DUSP13B: variants seen among roughly 807,000 people sequenced by gnomAD.
DUSP13B encodes dual specificity protein phosphatase 13B.
the DUSP13B span, chr10:75,104,063 T>C: frequency 2.9e-6 from 4 of 1,360,946 alleles, no homozygotes; most frequent in Non-Finnish European, 2.9e-6. Flanking sequence ...GGTGGCAAAG[T>C]GGCAGAGCCC....
the DUSP13B span, chr10:75,108,054 T>C: frequency 6.2e-7 from 1 of 1,613,778 alleles, no homozygotes; most frequent in African/African-American, 1.3e-5. Context: ...GGCACTGATG[T>C]CAAAATCAGG....
chr10:75,105,602 A>G, the DUSP13B span: 1 of 1,450,366 alleles, frequency 6.9e-7, no homozygotes, highest in Middle Eastern at 2.4e-4. Flanking sequence ...TCTGCAGCCT[A>G]GGCCCTCACC....
At chr10:75,098,301 C>T in the DUSP13B span, among the ~76,000 whole-genome samples, 2 of 152,196 alleles carry the variant, frequency 1.3e-5, no homozygotes, top group African/African-American at 4.8e-5. Flanking sequence ...CTAAGCAGCT[C>T]ATCTCAAGCC....
the DUSP13B span, among the ~76,000 whole-genome samples, chr10:75,096,576 CAAA>C: frequency 1.1e-4 from 9 of 80,808 alleles, no homozygotes; most frequent in Admixed American, 1.2e-4. Context: ...GACCCCGCCT[CAAA>C]AAAAAAAAAA....
the DUSP13B span, among the ~76,000 whole-genome samples, chr10:75,102,742 C>T: frequency 2.0e-5 from 3 of 152,254 alleles, no homozygotes; most frequent in Non-Finnish European, 2.9e-5. Flanking sequence ...CACCTGAGGT[C>T]GGGAGTTCGA....
chr10:75,099,040 T>A, the DUSP13B span: 1 of 1,232,400 alleles, frequency 8.1e-7, no homozygotes, highest in Non-Finnish European at 1.0e-6. Flanking sequence ...CCCCCACGAC[T>A]CAGGCCAGCA....
chr10:75,098,019 G>A, the DUSP13B span: 4 of 761,090 alleles, frequency 5.3e-6, no homozygotes, highest in Admixed American at 3.3e-5. Flanking sequence ...TTTCACATGA[G>A]GTATTAACAA....
At chr10:75,106,221 C>T in the DUSP13B span, among the ~76,000 whole-genome samples, 2 of 150,614 alleles carry the variant, frequency 1.3e-5, no homozygotes, top group African/African-American at 2.4e-5. Flanking sequence ...GGATTACAGG[C>T]GTGAGACACC....
chr10:75,096,169 C>A, the DUSP13B span, among the ~76,000 whole-genome samples: 1 of 152,026 alleles, frequency 6.6e-6, no homozygotes. Flanking sequence ...TCAGGAGAAT[C>A]ACTTAAACCC....
At chr10:75,106,531 C>CT in the DUSP13B span, among the ~76,000 whole-genome samples, 3 of 152,210 alleles carry the variant, frequency 2.0e-5, no homozygotes, top group Non-Finnish European at 4.4e-5. Context: ...AGCAGCTCAT[C>CT]TTTTTTGCAT....
At chr10:75,100,319 C>T in the DUSP13B span, among the ~76,000 whole-genome samples, 1 of 152,132 alleles carries the variant, frequency 6.6e-6, no homozygotes, top group African/African-American at 2.4e-5. Flanking sequence ...GGTCAGGCTC[C>T]ACCTAATGCC....
chr10:75,108,259 G>A, the DUSP13B span: 2 of 1,542,434 alleles, frequency 1.3e-6, no homozygotes, highest in Admixed American at 3.8e-5. Context: ...ATGGGACCAG[G>A]AGGGAGGCTG....
chr10:75,106,442 C>T, the DUSP13B span, among the ~76,000 whole-genome samples: 37 of 152,186 alleles, frequency 2.4e-4, no homozygotes, highest in Non-Finnish European at 4.4e-5. Context: ...ACTTCCACTA[C>T]TCATCCACCA....
At chr10:75,099,628 T>C in the DUSP13B span, 1 of 1,044,988 alleles carries the variant, frequency 9.6e-7, no homozygotes, top group Non-Finnish European at 1.2e-6. Flanking sequence ...GGCCCTCCGG[T>C]CCCTCTAAAC....
chr10:75,094,705 G>A, the DUSP13B span: 20 of 1,614,080 alleles, frequency 1.2e-5, no homozygotes, highest in East Asian at 4.5e-5. Context: ...CGCCCCAGTC[G>A]GTTGTCCAGA....
At chr10:75,107,979 C>T in the DUSP13B span, 1 of 1,605,006 alleles carries the variant, frequency 6.2e-7, no homozygotes, top group Admixed American at 1.7e-5. Context: ...TGGGCTTGGA[C>T]CCCAAGTCCT....
the DUSP13B span, among the ~76,000 whole-genome samples, chr10:75,107,815 G>T: frequency 1.3e-5 from 2 of 152,110 alleles, no homozygotes; most frequent in Non-Finnish European, 2.9e-5. Context: ...GACCTCAGGC[G>T]ATCCACCCAC....
At chr10:75,101,145 T>C in the DUSP13B span, among the ~76,000 whole-genome samples, 332 of 152,190 alleles carry the variant, frequency 2.2e-3, no homozygotes, top group African/African-American at 7.8e-3. Context: ...CAGCTGTGGG[T>C]CTCTGTGCTC....
At chr10:75,109,048 C>T in the DUSP13B span, 159 of 1,611,424 alleles carry the variant, frequency 9.9e-5, no homozygotes, top group Non-Finnish European at 1.2e-4. Flanking sequence ...TTCGTCCACA[C>T]GGCTGCAAGA....
Sources: allele counts gnomAD v4.1 joint callset (sites outside exome capture counted in the v4.1 genomes callset), GRCh38; gene constraint gnomAD v4.1.1; transcripts MANE v1.5; gene names NCBI Gene and HGNC (gene_info 2026-07-23, HGNC 2026-07-21).